The following PTPRG variants were observed in gnomAD, a reference collection of about 807,000 sequenced individuals.
PTPRG encodes the protein receptor-type tyrosine-protein phosphatase gamma.
A neutral mutation model predicts 165.3 loss-of-function variants in PTPRG; 102 were observed. The observed-to-expected ratio is 0.62, with a 90% CI of 0.53 to 0.73. The LOEUF is 0.73. Ranked by LOEUF, PTPRG falls within the 30% of genes least tolerant of loss-of-function variation. The pLI, the probability that PTPRG is intolerant of heterozygous loss-of-function variation, is 0.00. For synonymous variants in PTPRG, 675 were observed against 669.5 expected (o/e 1.01, Z -0.13); for missense variants, 1,866 against 1,861.4 (o/e 1.00, Z -0.05).
intron 1 of PTPRG, among the ~76,000 whole-genome samples, chr3:61,717,074 A>G (rs1023439495): frequency 6.6e-6 from 1 of 152,236 alleles, no homozygotes; most frequent in African/African-American, 2.4e-5. Flanking sequence ...ATTGCAAAAG[A>G]TATATTGATG....
chr3:61,601,377 G>A (rs746208272), intron 1 of PTPRG, among the ~76,000 whole-genome samples: 1 of 152,200 alleles, frequency 6.6e-6, no homozygotes, highest in Non-Finnish European at 1.5e-5. Flanking sequence ...CACACTTTGG[G>A]AAGACACTGA....
chr3:61,624,686 A>T (rs749655033), intron 1 of PTPRG, among the ~76,000 whole-genome samples: 2 of 152,232 alleles, frequency 1.3e-5, no homozygotes, highest in Non-Finnish European at 2.9e-5. Context: ...CAGGTTCTGC[A>T]TCTGCAAAAT....
At chr3:61,681,658 T>G (rs139398912) in intron 1 of PTPRG, among the ~76,000 whole-genome samples, 36 of 152,334 alleles carry the variant, frequency 2.4e-4, no homozygotes, top group African/African-American at 7.5e-4. Context: ...CCATGGAATT[T>G]CTATAGGGTT....
At chr3:61,980,279 C>T (rs189626957) in intron 2 of PTPRG, among the ~76,000 whole-genome samples, 265 of 152,268 alleles carry the variant, frequency 1.7e-3, no homozygotes, top group African/African-American at 6.0e-3. Flanking sequence ...ATAACTTGAG[C>T]GGTGGCATGT....
chr3:61,673,402 T>G (rs1292203426), intron 1 of PTPRG, among the ~76,000 whole-genome samples: 2 of 152,136 alleles, frequency 1.3e-5, no homozygotes, highest in African/African-American at 4.8e-5. Context: ...GCTCAAGACT[T>G]TACAAAGTGG....
At chr3:61,725,544 C>T (rs1020190772) in intron 1 of PTPRG, among the ~76,000 whole-genome samples, 1 of 152,158 alleles carries the variant, frequency 6.6e-6, no homozygotes, top group African/African-American at 2.4e-5. Context: ...TCTGGGTTCT[C>T]TATTCTGTTC....
At chr3:61,833,066 A>T (rs1160529922) in intron 2 of PTPRG, among the ~76,000 whole-genome samples, 1 of 88,246 alleles carries the variant, frequency 1.1e-5, no homozygotes, top group Non-Finnish European at 2.1e-5. Flanking sequence ...GTAGTATTCC[A>T]TTGTGTGTGT....
rs750410527 is a variant in PTPRG, at chr3:62,132,590, C to T, written c.616-12C>T. On this transcript the variant is annotated splice_polypyrimidine_tract_variant and intron_variant, in intron 5 of 29. Transcript: ENST00000474889. ...GAATAGATTTAACCAATCATGTTTC[C>T]TTTACATTTAGGTCAGTCCGAGGGA... 1 of 1,593,274 alleles carries T rather than the reference C, an allele frequency of 6.3e-7. No homozygotes were observed. Among genetic ancestry groups the T allele is most frequent in the East Asian group, 2.2e-5 (1 of 44,772 alleles).
intron 2 of PTPRG, among the ~76,000 whole-genome samples, chr3:61,754,517 T>C (rs2106939377): frequency 6.6e-6 from 1 of 152,310 alleles, no homozygotes; most frequent in Non-Finnish European, 1.5e-5. Flanking sequence ...TATAATTCCT[T>C]GTTTCTCCTG....
At chr3:61,839,367 C>T (rs2036556156) in intron 2 of PTPRG, among the ~76,000 whole-genome samples, 1 of 152,170 alleles carries the variant, frequency 6.6e-6, no homozygotes, top group East Asian at 1.9e-4. Context: ...TTCTATGATA[C>T]TGTTCTGTTT....
chr3:61,626,227 A>G (rs1467725656), intron 1 of PTPRG, among the ~76,000 whole-genome samples: 1 of 152,172 alleles, frequency 6.6e-6, no homozygotes, highest in Non-Finnish European at 1.5e-5. Context: ...TAAAAACTAA[A>G]AATGCATTAT....
At chr3:61,835,493 C>G (rs1476586222) in intron 2 of PTPRG, among the ~76,000 whole-genome samples, 1 of 152,056 alleles carries the variant, frequency 6.6e-6, no homozygotes, top group African/African-American at 2.4e-5. Flanking sequence ...GCCACCACAC[C>G]TGGCTAATTT....
intron 9 of PTPRG, among the ~76,000 whole-genome samples, chr3:62,192,006 A>C (rs1699838416): frequency 6.6e-6 from 1 of 152,228 alleles, no homozygotes; most frequent in Non-Finnish European, 1.5e-5. Flanking sequence ...GAGCTATGCA[A>C]GTATTCAACA....
At position 61,655,476 on chromosome 3, in the gene PTPRG, GTA is replaced by G. The variant is rs1702484486; in HGVS notation, c.85+93106_85+93107del. On this transcript the variant is annotated intron_variant, in intron 1 of 29. Transcript: ENST00000474889. ...ATGTTCAGAAATATGGACTAAATGA[GTA>G]TTATAATTGACACATCTCAGTCAAG... is the stretch of plus-strand genomic sequence containing the variant. Among the ~76,000 whole-genome samples the G allele has an allele frequency of 2.0e-5, 3 of 152,276 alleles. No individual in the cohort carries two copies. The South Asian group carries it at 6.2e-4, about 32-fold the overall frequency.
intron 4 of PTPRG, among the ~76,000 whole-genome samples, chr3:62,047,959 T>C (rs1700350315): frequency 6.6e-6 from 1 of 152,186 alleles, no homozygotes; most frequent in African/African-American, 2.4e-5. Flanking sequence ...ATAGCTAATT[T>C]CACTCATATT....
intron 3 of PTPRG, among the ~76,000 whole-genome samples, chr3:61,991,787 T>C (rs534362552): frequency 1.3e-5 from 2 of 152,358 alleles, no homozygotes; most frequent in Non-Finnish European, 2.9e-5. Flanking sequence ...GGTTTTCTAC[T>C]TGACTTGCAA....
chr3:62,164,238 G>A (rs923210444), intron 7 of PTPRG, among the ~76,000 whole-genome samples: 1 of 152,164 alleles, frequency 6.6e-6, no homozygotes, highest in Non-Finnish European at 1.5e-5. Flanking sequence ...ATCAAACAAA[G>A]TGGAGGTCCA....
intron 1 of PTPRG, among the ~76,000 whole-genome samples, chr3:61,640,345 A>G (rs1329845428): frequency 6.6e-6 from 1 of 152,174 alleles, no homozygotes; most frequent in Non-Finnish European, 1.5e-5. Flanking sequence ...GTCCTGGGGT[A>G]TACACCTGGG....
intron 2 of PTPRG, among the ~76,000 whole-genome samples, chr3:61,858,261 A>C (rs2037169572): frequency 6.6e-6 from 1 of 152,196 alleles, no homozygotes; most frequent in Admixed American, 6.5e-5. Flanking sequence ...TAGGTGGCAC[A>C]CTACTACCAG....
Sources: allele counts gnomAD v4.1 joint callset (sites outside exome capture counted in the v4.1 genomes callset), GRCh38; gene constraint gnomAD v4.1.1; transcripts MANE v1.5; gene names NCBI Gene and HGNC (gene_info 2026-07-23, HGNC 2026-07-21).